RAB27A: variants seen among roughly 807,000 people sequenced by gnomAD.
RAB27A encodes the protein RAB27A, member RAS oncogene family, also known as ras-related protein Rab-27A.
A neutral mutation model predicts 20.8 loss-of-function variants in RAB27A; 17 were observed. That is an observed-to-expected ratio of 0.82 (90% CI 0.56 to 1.23). The LOEUF (loss-of-function observed/expected upper bound fraction) is 1.23. RAB27A is among the 50% of genes most tolerant of loss of function. The pLI is 0.00. For missense variants in RAB27A, 277 were observed against 266.7 expected (o/e 1.04, Z -0.27); for synonymous variants, 85 against 92.8 (o/e 0.92, Z 0.48).
intron 2 of RAB27A, among the ~76,000 whole-genome samples, chr15:55,310,108 C>G (rs1215150278): frequency 6.6e-6 from 1 of 152,100 alleles, no homozygotes; most frequent in Non-Finnish European, 1.5e-5. Flanking sequence ...CTCTCCCTAA[C>G]AAGGGTGTGG....
chr15:55,286,778 TAG>T (rs747109504), intron 1 of RAB27A, among the ~76,000 whole-genome samples: 13 of 151,822 alleles, frequency 8.6e-5, no homozygotes, highest in Non-Finnish European at 1.6e-4. Flanking sequence ...GTGTTAAGAA[TAG>T]AGTGTGGAGC....
chr15:55,210,616 T>A (rs1894979229), intron 6 of RAB27A, among the ~76,000 whole-genome samples: 1 of 151,560 alleles, frequency 6.6e-6, no homozygotes, highest in Non-Finnish European at 1.5e-5. Context: ...TAAAACAGAT[T>A]ATTTGTTTTT....
At chr15:55,261,927 C>T (rs1299175582) in intron 2 of RAB27A, among the ~76,000 whole-genome samples, 1 of 151,380 alleles carries the variant, frequency 6.6e-6, no homozygotes, top group Non-Finnish European at 1.5e-5. Flanking sequence ...ATCCCAGCTA[C>T]TCGGGAGGCT....
At chr15:55,262,094 C>T (rs1233571192) in intron 2 of RAB27A, among the ~76,000 whole-genome samples, 1 of 151,330 alleles carries the variant, frequency 6.6e-6, no homozygotes, top group African/African-American at 2.4e-5. Flanking sequence ...GTACATCTTT[C>T]AACTTATTGA....
intron 2 of RAB27A, among the ~76,000 whole-genome samples, chr15:55,262,474 A>G (rs1008306804): frequency 1.2e-4 from 18 of 151,390 alleles, no homozygotes; most frequent in South Asian, 2.1e-4. Flanking sequence ...CCCGGGAGGC[A>G]GAGCTTGCAG....
In RAB27A at chr15:55,274,815, T is replaced by TATATATATATATATATATATATATAC. The variant is rs1188210380; in HGVS notation, c.-142-4532_-142-4531insGTATATATATATATATATATATATAT. On this transcript the variant is annotated intron_variant, in intron 1 of 6. Coordinates refer to ENST00000336787, the MANE Select transcript of RAB27A (RefSeq NM_183235.3). ...TAAATTATATATATATATATATATATATATATATATGTATAGAGAGAGACA... is the reference window on the plus strand; with the variant it reads ...TAAATTATATATATATATATATATATATATATATATATATATATATATATACATATATATATGTATAGAGAGAGACA... 1.7e-4 allele frequency among the ~76,000 whole-genome samples: 23 copies of TATATATATATATATATATATATATAC among 135,072 alleles called. 1 individual carries two copies. The highest frequency in any genetic ancestry group is 5.7e-4 in the African/African-American group (21 of 36,874). The allele number at this position is 135,072 out of a possible 152,430, so 88.6% of individuals were successfully genotyped here. A position where few individuals can be genotyped will look rare whatever the true frequency, so the allele number is the denominator to read the frequency against.
chr15:55,262,645 T>A (rs1266818382), intron 2 of RAB27A, among the ~76,000 whole-genome samples: 6 of 151,102 alleles, frequency 4.0e-5, no homozygotes, highest in Admixed American at 3.9e-4. Flanking sequence ...TTTTTTGTTT[T>A]TTTTTGAGAC....
In RAB27A at chr15:55,203,603, T is replaced by G. The variant is rs28620827; in HGVS notation, c.*1904A>C. ...CCCATTTTTTTTTTTTTTTTTTTTT[T>G]AGTAGAGATGGGGTTTCACTGTGTT... is the stretch of plus-strand genomic sequence containing the variant. On this transcript the variant is annotated 3_prime_UTR_variant, in exon 7 of 7. Coordinates refer to ENST00000336787, the MANE Select transcript of RAB27A (RefSeq NM_183235.3). The G allele has an allele frequency of 6.8e-6, 1 of 146,428 alleles. No homozygotes were observed. The highest frequency in any genetic ancestry group is 6.8e-5 in the Admixed American group (1 of 14,722). The allele number at this position is 146,428 out of a possible 1,614,324, so 9.1% of individuals were successfully genotyped here.
At chr15:55,233,619 G>T (rs573766293) in intron 3 of RAB27A, among the ~76,000 whole-genome samples, 13 of 152,270 alleles carry the variant, frequency 8.5e-5, no homozygotes, top group African/African-American at 3.1e-4. Flanking sequence ...GTGTGCAGAA[G>T]CCATTGATAG....
rs549607432 is a variant in RAB27A at position 55,298,357 on chromosome 15, G to A, written c.-112+15682C>T. The stretch of plus-strand genomic sequence containing the variant: ...AGAGAAATTTTAAAGCTGGGCGACC[G>A]GGGGAGACATCACATGTCGGTAGGT... On this transcript the variant is annotated intron_variant, in intron 2 of 5. Transcript: ENST00000563262. 1.1e-4 allele frequency among the ~76,000 whole-genome samples: 16 copies of A among 152,236 alleles called. 1 individual carries two copies. The highest frequency in any genetic ancestry group is 1.9e-4 in the East Asian group (1 of 5,180).
chr15:55,259,184 C>T (rs553486425), intron 2 of RAB27A, among the ~76,000 whole-genome samples: 3 of 152,050 alleles, frequency 2.0e-5, no homozygotes, highest in Admixed American at 1.3e-4. Context: ...ATGTATGTTG[C>T]AAATATATTC....
At chr15:55,209,955 CAT>C (rs1008818092) in intron 6 of RAB27A, among the ~76,000 whole-genome samples, 16 of 131,354 alleles carry the variant, frequency 1.2e-4, no homozygotes, top group South Asian at 6.8e-4. Context: ...CACACATACG[CAT>C]ATATGTGCGT....
At chr15:55,222,153 C>G (rs930551100) in intron 6 of RAB27A, among the ~76,000 whole-genome samples, 3 of 152,002 alleles carry the variant, frequency 2.0e-5, no homozygotes, top group Admixed American at 6.6e-5. Flanking sequence ...CCAATTATGT[C>G]TGATGGTCAG....
At chr15:55,215,512 C>T (rs1018551074) in intron 6 of RAB27A, among the ~76,000 whole-genome samples, 21 of 150,880 alleles carry the variant, frequency 1.4e-4, no homozygotes, top group Non-Finnish European at 1.9e-4. Flanking sequence ...ATTAGCCGGG[C>T]GTGGTAGCGG....
intron 2 of RAB27A, among the ~76,000 whole-genome samples, chr15:55,249,382 C>T (rs773386738): frequency 1.3e-5 from 2 of 152,124 alleles, no homozygotes; most frequent in Non-Finnish European, 2.9e-5. Flanking sequence ...TTAAGCAATC[C>T]TCTCACCTCA....
At position 55,265,497 on chromosome 15, in the gene RAB27A, G is replaced by A. The variant is rs562913510; in HGVS notation, c.-23+4668C>T. On this transcript the variant is annotated intron_variant, in intron 2 of 6. Coordinates refer to ENST00000336787, the MANE Select transcript of RAB27A (RefSeq NM_183235.3). ...CAGTGCACTAGATAATGTGGGGAAC[G>A]ACTTTACCTCACATGTCAGCCAAAT... Among the ~76,000 whole-genome samples the A allele has an allele frequency of 1.1e-4, 16 of 152,224 alleles. 1 individual carries two copies. In the South Asian group the frequency reaches 3.1e-3, roughly 30 times the overall value.
intron 5 of RAB27A, among the ~76,000 whole-genome samples, chr15:55,225,148 C>CT (rs1895745960): frequency 6.6e-6 from 1 of 152,190 alleles, no homozygotes; most frequent in Non-Finnish European, 1.5e-5. Flanking sequence ...TCAAGACTTG[C>CT]TTCATGGTTA....
At chr15:55,260,136 C>T (rs1442281393) in intron 2 of RAB27A, 1 of 152,128 alleles carries the variant, frequency 6.6e-6, no homozygotes, top group East Asian at 1.9e-4. Context: ...AAAATATTCT[C>T]AAATCTCACA....
intron 2 of RAB27A, among the ~76,000 whole-genome samples, chr15:55,265,297 G>T (rs751851775): frequency 6.6e-6 from 1 of 152,062 alleles, no homozygotes; most frequent in Non-Finnish European, 1.5e-5. Context: ...AAGCCGTTGG[G>T]GAGATGGGAG....
Sources: allele counts gnomAD v4.1 joint callset (sites outside exome capture counted in the v4.1 genomes callset), GRCh38; gene constraint gnomAD v4.1.1; transcripts MANE v1.5; gene names NCBI Gene and HGNC (gene_info 2026-07-23, HGNC 2026-07-21).